WIPF3: variants seen among roughly 807,000 people sequenced by gnomAD.
WIPF3 encodes the protein WAS/WASL interacting protein family member 3.
A neutral mutation model predicts 38.9 loss-of-function variants in WIPF3; 33 were observed. The observed-to-expected ratio is 0.85, with a 90% CI of 0.64 to 1.14. The LOEUF is 1.14. Ranked by LOEUF, WIPF3 falls within the 50% of genes most tolerant of loss-of-function variation. WIPF3 has a pLI of 0.00. For synonymous variants in WIPF3, 324 were observed against 269.3 expected (o/e 1.20, Z -1.99); for missense variants, 711 against 652.5 (o/e 1.09, Z -0.98).
intron 8 of WIPF3, among the ~76,000 whole-genome samples, chr7:29,910,926 G>A (rs1415973439): frequency 6.6e-6 from 1 of 151,810 alleles, no homozygotes; most frequent in East Asian, 1.9e-4. Flanking sequence ...AGCAAAGTTG[G>A]GCAAGAAAAA....
In WIPF3 at chr7:29,884,586, C is replaced by T. The variant is rs1187794118; in HGVS notation, c.1092C>T (p.Gly364=). The T allele has an allele frequency of 1.2e-6, 2 of 1,604,330 alleles. No individual in the cohort carries two copies. Among genetic ancestry groups the T allele is most frequent in the Admixed American group, 1.7e-5 (1 of 58,970 alleles). Residue 364 remains glycine, a synonymous_variant, in exon 5 of 9, where the codon GGC becomes GGT. Coordinates refer to ENST00000242140, the MANE Select transcript of WIPF3 (RefSeq NM_001080529.3). The part of the protein sequence containing the change: ...SQPFLQKKRH[G]RPGAGGGKLN... The stretch of plus-strand genomic sequence containing the variant: ...CGTTCCTGCAGAAGAAGAGGCATGG[C>T]CGACCAGGTAAGGAGCGCTGCCTGG...
intron 6 of WIPF3, among the ~76,000 whole-genome samples, chr7:29,888,655 A>G (rs1731963197): frequency 6.6e-6 from 1 of 152,092 alleles, no homozygotes; most frequent in African/African-American, 2.4e-5. Context: ...TAGGAAGGAA[A>G]GTCACCTGGG....
intron 8 of WIPF3, chr7:29,906,122 TCAA>T (rs1562791906): frequency 6.6e-6 from 1 of 152,028 alleles, no homozygotes; most frequent in Non-Finnish European, 1.5e-5. Context: ...TGTAGAGTTT[TCAA>T]CAACAACAAA....
Position 29,915,628 on chromosome 7 carries a change from T to G in WIPF3, c.*1112T>G, listed in dbSNP as rs1786600018. The G allele has an allele frequency of 6.6e-6, 1 of 152,218 alleles. No individual in the cohort carries two copies. Among genetic ancestry groups the G allele is most frequent in the Non-Finnish European group, 1.5e-5 (1 of 68,116 alleles). 9.4% of individuals were successfully genotyped at this position (152,218 alleles called of 1,614,324 possible). A position where few individuals can be genotyped will look rare whatever the true frequency, so the allele number is the denominator to read the frequency against. On this transcript the variant is annotated 3_prime_UTR_variant, in exon 9 of 9. Coordinates refer to ENST00000242140, the MANE Select transcript of WIPF3 (RefSeq NM_001080529.3). Reference sequence around the variant, plus strand: ...TGGTGGGCACCTGTCTGTGGGGAGATGTGTGCAAGCTCAGCCACTCTGAAT... The same window carrying G: ...TGGTGGGCACCTGTCTGTGGGGAGAGGTGTGCAAGCTCAGCCACTCTGAAT...
At chr7:29,882,555 T>C (rs143638032) in intron 4 of WIPF3, among the ~76,000 whole-genome samples, 1,708 of 152,310 alleles carry the variant, frequency 0.011, 40 homozygotes, top group African/African-American at 0.039. Context: ...CCTACTTAGC[T>C]TCACCTGAGT....
At chr7:29,872,876 C>T (rs946599811) in intron 2 of WIPF3, among the ~76,000 whole-genome samples, 2 of 148,540 alleles carry the variant, frequency 1.3e-5, no homozygotes, top group African/African-American at 5.0e-5. Context: ...CTCATCAGGG[C>T]CGACACTGGA....
At chr7:29,813,676 A>G (rs115242898) in intron 1 of WIPF3, among the ~76,000 whole-genome samples, 3,102 of 152,282 alleles carry the variant, frequency 0.02, 107 homozygotes, top group African/African-American at 0.07. Context: ...TTATTGAGCT[A>G]TAATTCACAT....
intron 8 of WIPF3, among the ~76,000 whole-genome samples, chr7:29,914,056 T>G (rs950297397): frequency 1.3e-5 from 2 of 152,200 alleles, no homozygotes; most frequent in Non-Finnish European, 2.9e-5. Context: ...TTCTAGACAT[T>G]GCAAACAATA....
chr7:29,901,336 C>G (rs961823207), intron 7 of WIPF3, among the ~76,000 whole-genome samples: 1 of 150,246 alleles, frequency 6.7e-6, no homozygotes, highest in Admixed American at 6.6e-5. Flanking sequence ...TAAAAGCACT[C>G]TGACAAACCC....
At chr7:29,867,450 C>A (rs948575340) in intron 2 of WIPF3, among the ~76,000 whole-genome samples, 2 of 151,856 alleles carry the variant, frequency 1.3e-5, no homozygotes, top group East Asian at 1.9e-4. Flanking sequence ...TACTTTTTGT[C>A]TAGAAGAAAT....
chr7:29,910,828 C>T (rs1175889246), intron 8 of WIPF3, among the ~76,000 whole-genome samples: 1 of 152,056 alleles, frequency 6.6e-6, no homozygotes, highest in Non-Finnish European at 1.5e-5. Context: ...TGGTGAAAGA[C>T]TGAAAGCTTT....
At chr7:29,886,659 C>T (rs1489326071) in intron 5 of WIPF3, among the ~76,000 whole-genome samples, 1 of 152,088 alleles carries the variant, frequency 6.6e-6, no homozygotes, top group Non-Finnish European at 1.5e-5. Context: ...GCCCGGCCAA[C>T]AAAAACAAGG....
intron 2 of WIPF3, among the ~76,000 whole-genome samples, chr7:29,840,566 A>G (rs1465842737): frequency 6.6e-6 from 1 of 152,206 alleles, no homozygotes; most frequent in Non-Finnish European, 1.5e-5. Context: ...ATGAACAATT[A>G]TTTATGTAAA....
At chr7:29,858,323 G>A (rs1354518901) in intron 2 of WIPF3, among the ~76,000 whole-genome samples, 7 of 152,216 alleles carry the variant, frequency 4.6e-5, no homozygotes, top group Middle Eastern at 3.4e-3. Flanking sequence ...CTTCCATAGC[G>A]TGTGGGTTAA....
At chr7:29,913,030 C>A (rs1489404568) in intron 8 of WIPF3, among the ~76,000 whole-genome samples, 1 of 152,140 alleles carries the variant, frequency 6.6e-6, no homozygotes, top group Non-Finnish European at 1.5e-5. Context: ...GTATTTAATA[C>A]CCCTAAACTA....
chr7:29,892,094 C>G (rs1327780292), intron 7 of WIPF3, among the ~76,000 whole-genome samples: 4 of 152,196 alleles, frequency 2.6e-5, no homozygotes, highest in African/African-American at 9.6e-5. Flanking sequence ...TCGATAAAAA[C>G]CTAAGTGTTT....
intron 2 of WIPF3, among the ~76,000 whole-genome samples, chr7:29,851,403 A>G (rs946158658): frequency 1.3e-5 from 2 of 151,964 alleles, no homozygotes; most frequent in African/African-American, 4.8e-5. Context: ...TTTTGACCGA[A>G]TCTTTTCAAT....
At chr7:29,824,743 T>G (rs1784590217) in intron 1 of WIPF3, among the ~76,000 whole-genome samples, 2 of 151,784 alleles carry the variant, frequency 1.3e-5, no homozygotes, top group Non-Finnish European at 2.9e-5. Context: ...GTAGTCGATT[T>G]GTGAGACTTG....
chr7:29,818,066 G>A (rs62459992), intron 1 of WIPF3, among the ~76,000 whole-genome samples: 17,475 of 152,186 alleles, frequency 0.11, 1,105 homozygotes, highest in African/African-American at 0.16. Context: ...TTTCTTCACA[G>A]TACTTTCTGG....
Sources: gnomAD v4.1 joint callset for allele counts (sites outside exome capture counted in the v4.1 genomes callset) on GRCh38, gnomAD v4.1.1 for gene constraint, MANE v1.5 for transcripts, NCBI Gene and HGNC (gene_info 2026-07-23, HGNC 2026-07-21) for gene names.